Variants in CHCHD3 observed in about 807,000 individuals in gnomAD.
The protein encoded by CHCHD3 is coiled-coil-helix-coiled-coil-helix domain containing 3.
Under a neutral mutation model 38.2 loss-of-function variants are expected in CHCHD3, and 20 were observed. The observed-to-expected ratio is 0.52, with a 90% CI of 0.37 to 0.76. The LOEUF (loss-of-function observed/expected upper bound fraction) is 0.76, where lower values mean the gene tolerates loss of function less well. CHCHD3 is among the 30% of genes least tolerant of loss of function. The probability of loss-of-function intolerance (pLI) is 0.00; values close to 1 mark genes in which losing one functional copy is unlikely to be tolerated. For synonymous variants in CHCHD3, 82 were observed against 100.0 expected (o/e 0.82, Z 1.07); for missense variants, 245 against 279.2 (o/e 0.88, Z 0.87).
chr7:132,867,378 T>C (rs1808659695), intron 5 of CHCHD3, among the ~76,000 whole-genome samples: 2 of 152,232 alleles, frequency 1.3e-5, no homozygotes, highest in Non-Finnish European at 2.9e-5. Flanking sequence ...TTAAAAGGTA[T>C]TACTTTTTAA....
At position 132,885,645 on chromosome 7, in the gene CHCHD3, A is replaced by AT; in HGVS notation, c.453+16dup. The AT allele has an allele frequency of 1.3e-6, 2 of 1,571,448 alleles. No homozygotes were observed. The highest frequency in any genetic ancestry group is 1.7e-6 in the Non-Finnish European group (2 of 1,157,618). ...AGCAGATGTGGTAATAGAATCAATG[A>AT]TAAAAAATAGTCATACCCTCTCCTC... On this transcript the variant is annotated intron_variant, in intron 5 of 7. Coordinates refer to ENST00000262570, the MANE Select transcript of CHCHD3 (RefSeq NM_017812.4).
intron 2 of CHCHD3, among the ~76,000 whole-genome samples, chr7:133,063,023 A>T (rs972731690): frequency 2.0e-5 from 3 of 152,182 alleles, no homozygotes; most frequent in Non-Finnish European, 4.4e-5. Context: ...TCTCTAGTTC[A>T]TTCTCTCTCC....
intron 3 of CHCHD3, among the ~76,000 whole-genome samples, chr7:132,993,500 T>C (rs906234455): frequency 2.0e-5 from 3 of 152,218 alleles, no homozygotes; most frequent in African/African-American, 7.2e-5. Context: ...TTCTAAGTTC[T>C]CATTTGTCTC....
intron 7 of CHCHD3, among the ~76,000 whole-genome samples, chr7:132,791,723 A>C (rs982707393): frequency 6.6e-6 from 1 of 152,166 alleles, no homozygotes; most frequent in African/African-American, 2.4e-5. Context: ...CTCCATATGC[A>C]CTGATCTTGA....
At chr7:132,894,421 A>C (rs1296256768) in intron 4 of CHCHD3, among the ~76,000 whole-genome samples, 1 of 152,202 alleles carries the variant, frequency 6.6e-6, no homozygotes, top group Non-Finnish European at 1.5e-5. Flanking sequence ...CCATGTTCCA[A>C]ACCACTCTTG....
chr7:132,837,053 C>T (rs1359215894), intron 6 of CHCHD3, among the ~76,000 whole-genome samples: 1 of 152,168 alleles, frequency 6.6e-6, no homozygotes, highest in Non-Finnish European at 1.5e-5. Flanking sequence ...TCTTTCCCGT[C>T]CACCTACTCA....
chr7:132,843,100 C>G (rs1374274054), intron 5 of CHCHD3, among the ~76,000 whole-genome samples: 1 of 152,168 alleles, frequency 6.6e-6, no homozygotes, highest in East Asian at 1.9e-4. Flanking sequence ...TCCAGTGGCA[C>G]AATCTCGGCT....
intron 6 of CHCHD3, among the ~76,000 whole-genome samples, chr7:132,802,248 C>T (rs1432057086): frequency 2.6e-5 from 4 of 152,026 alleles, no homozygotes; most frequent in African/African-American, 4.8e-5. Flanking sequence ...CATGTGGCCA[C>T]GTGACAGCTG....
At chr7:132,857,943 G>A (rs912406230) in intron 5 of CHCHD3, among the ~76,000 whole-genome samples, 11 of 152,200 alleles carry the variant, frequency 7.2e-5, no homozygotes, top group African/African-American at 2.2e-4. Context: ...GATAACTCCC[G>A]TCTTCTGGGA....
intron 4 of CHCHD3, among the ~76,000 whole-genome samples, chr7:132,962,294 AC>A (rs1811339111): frequency 6.6e-6 from 1 of 152,212 alleles, no homozygotes; most frequent in African/African-American, 2.4e-5. Flanking sequence ...AAACAAAATT[AC>A]TTTATAAAAA....
At chr7:132,847,207 T>C (rs901503156) in intron 5 of CHCHD3, 1 of 152,160 alleles carries the variant, frequency 6.6e-6, no homozygotes, top group Admixed American at 6.6e-5. Context: ...AATTATATCA[T>C]GCAAAGGAGG....
chr7:132,856,647 T>C (rs889446562), intron 5 of CHCHD3, among the ~76,000 whole-genome samples: 8 of 152,184 alleles, frequency 5.3e-5, no homozygotes, highest in Admixed American at 2.6e-4. Context: ...TAAATGGCCT[T>C]GTGCTAGGCT....
chr7:132,950,908 C>A (rs916618298), intron 4 of CHCHD3, among the ~76,000 whole-genome samples: 1 of 152,086 alleles, frequency 6.6e-6, no homozygotes, highest in Non-Finnish European at 1.5e-5. Flanking sequence ...TGAAAAGAAA[C>A]CATTAAAGGT....
At chr7:132,890,977 T>C (rs1351904055) in intron 4 of CHCHD3, among the ~76,000 whole-genome samples, 1 of 152,158 alleles carries the variant, frequency 6.6e-6, no homozygotes, top group East Asian at 1.9e-4. Flanking sequence ...AGGTGCAATA[T>C]ATACGAACCT....
At chr7:132,986,357 C>A (rs1375910595) in intron 3 of CHCHD3, among the ~76,000 whole-genome samples, 1 of 146,868 alleles carries the variant, frequency 6.8e-6, no homozygotes. Context: ...TGTGACCCTG[C>A]CAAATCCCCC....
At chr7:132,938,910 G>C (rs374080100) in intron 4 of CHCHD3, among the ~76,000 whole-genome samples, 7 of 152,298 alleles carry the variant, frequency 4.6e-5, no homozygotes, top group Middle Eastern at 3.4e-3. Context: ...GGGACACTTG[G>C]TAGCAGCAGG....
chr7:132,988,301 C>CCA (rs67568615), intron 3 of CHCHD3, among the ~76,000 whole-genome samples: 15 of 65,296 alleles, frequency 2.3e-4, no homozygotes, highest in African/African-American at 3.2e-4. Context: ...ACACACACAC[C>CCA]CACACACACA....
At chr7:133,066,425 T>G (rs1309964326) in intron 2 of CHCHD3, among the ~76,000 whole-genome samples, 1 of 152,046 alleles carries the variant, frequency 6.6e-6, no homozygotes, top group Non-Finnish European at 1.5e-5. Context: ...CAGCTATTTT[T>G]TGTATTTTTA....
At chr7:132,907,399 G>A (rs1809825288) in intron 4 of CHCHD3, among the ~76,000 whole-genome samples, 1 of 152,158 alleles carries the variant, frequency 6.6e-6, no homozygotes, top group African/African-American at 2.4e-5. Flanking sequence ...AATAAGGACA[G>A]TAAATGCTGC....
Sources: gnomAD v4.1 joint callset for allele counts (sites outside exome capture counted in the v4.1 genomes callset) on GRCh38, gnomAD v4.1.1 for gene constraint, MANE v1.5 for transcripts, NCBI Gene and HGNC (gene_info 2026-07-23, HGNC 2026-07-21) for gene names.